NAV2: variants seen among roughly 807,000 people sequenced by gnomAD.
NAV2 encodes the protein neuron navigator 2.
In NAV2, 54 loss-of-function variants were observed where a neutral mutation model predicts 223.2. The ratio of observed to expected loss-of-function variants is 0.24; its 90% CI spans 0.19 to 0.30. The LOEUF is 0.30. NAV2 is among the 10% of genes least tolerant of loss of function. NAV2 has a pLI of 1.00. For synonymous variants in NAV2, 1,279 were observed against 1,239.3 expected, an observed-to-expected ratio of 1.03 and a Z score of -0.67; for missense variants, 2,806 against 3,147.5, an observed-to-expected ratio of 0.89 and a Z score of 2.60.
chr11:19,531,174 A>G (rs2044017614), intron 1 of NAV2, among the ~76,000 whole-genome samples: 1 of 152,252 alleles, frequency 6.6e-6, no homozygotes, highest in Admixed American at 6.5e-5. Context: ...AACATGACAG[A>G]TAAAATCTTT....
intron 4 of NAV2, among the ~76,000 whole-genome samples, chr11:19,872,892 A>C (rs2062611255): frequency 6.6e-6 from 1 of 152,022 alleles, no homozygotes; most frequent in African/African-American, 2.4e-5. Context: ...GAACCCATCT[A>C]TTTGCTCTTG....
At chr11:19,360,111 GC>G (rs1172130265) in intron 1 of NAV2, among the ~76,000 whole-genome samples, 1 of 152,118 alleles carries the variant, frequency 6.6e-6, no homozygotes, top group Non-Finnish European at 1.5e-5. Context: ...CTTCATTTAG[GC>G]TCCTTTGAGC....
intron 1 of NAV2, among the ~76,000 whole-genome samples, chr11:19,354,605 A>G (rs1853508594): frequency 6.6e-6 from 1 of 152,256 alleles, no homozygotes; most frequent in Admixed American, 6.5e-5. Context: ...TAATTGATGC[A>G]TAACTTAGAT....
intron 1 of NAV2, chr11:19,519,951 G>A (rs1461675357): frequency 6.6e-6 from 1 of 152,230 alleles, no homozygotes; most frequent in African/African-American, 2.4e-5. Context: ...TAGGGGTTGT[G>A]TTTATTTTGT....
chr11:19,898,117 C>T (rs1769694259), intron 6 of NAV2, among the ~76,000 whole-genome samples: 1 of 151,766 alleles, frequency 6.6e-6, no homozygotes, highest in Admixed American at 6.6e-5. Context: ...GTATTTGGTC[C>T]ATATTATGAA....
chr11:20,114,730 TC>T lies in NAV2; in HGVS notation c.7101del (p.Met2368CysfsTer21). On this transcript the variant is annotated frameshift_variant, in exon 37 of 38. Coordinates refer to ENST00000349880, the MANE Select transcript of NAV2 (RefSeq NM_145117.5). LOFTEE classifies it high-confidence loss of function. The stretch of plus-strand genomic sequence containing the variant: ...TGAGGATGTCGGCTTCGACGGCTAC[TC>T]CATGCCTCGGGAGGGATCGACAAGC... ...RPEDVGFDGY[S>X]MPREGSTSKQ... is the part of the protein sequence containing the mutation. 6.2e-7 allele frequency: 1 copy of T among 1,614,086 alleles called. No homozygotes were observed. The highest frequency in any genetic ancestry group is 8.5e-7 in the Non-Finnish European group (1 of 1,180,020).
intron 1 of NAV2, among the ~76,000 whole-genome samples, chr11:19,779,643 C>T (rs1273706099): frequency 1.3e-5 from 2 of 152,224 alleles, no homozygotes; most frequent in East Asian, 3.8e-4. Context: ...TTACAACTCT[C>T]TTTCCCCAGG....
intron 1 of NAV2, among the ~76,000 whole-genome samples, chr11:19,759,175 C>T (rs868633911): frequency 5.7e-5 from 8 of 139,584 alleles, no homozygotes; most frequent in East Asian, 2.3e-4. Flanking sequence ...CTCCGCCTCC[C>T]GGGTCCACGC....
chr11:19,373,904 T>C (rs1325892814), intron 1 of NAV2, among the ~76,000 whole-genome samples: 2 of 152,132 alleles, frequency 1.3e-5, no homozygotes, highest in Admixed American at 1.3e-4. Flanking sequence ...AAAGACATAA[T>C]ACACCCCATA....
chr11:19,620,335 A>G (rs369053358), intron 1 of NAV2, among the ~76,000 whole-genome samples: 3 of 152,170 alleles, frequency 2.0e-5, no homozygotes, highest in Non-Finnish European at 2.9e-5. Flanking sequence ...CATTGAATCT[A>G]TAAATTACCT....
rs534472661 is a variant in NAV2 at position 19,489,165 on chromosome 11, AG to A, written c.75+138145del. ...AGAGGTGATGAGACTGTCTCAGCTG[AG>A]GGGGGGTCTCTGATACTGTGAAGAT... On this transcript the variant is annotated intron_variant, in intron 1 of 37. Coordinates refer to the NAV2 transcript ENST00000360655. 7.9e-5 allele frequency among the ~76,000 whole-genome samples: 12 copies of A among 152,260 alleles called. No individual in the cohort carries two copies. In the South Asian group the frequency reaches 2.1e-3, roughly 26 times the overall value.
At chr11:19,469,391 A>G (rs1450829786) in intron 1 of NAV2, among the ~76,000 whole-genome samples, 1 of 152,200 alleles carries the variant, frequency 6.6e-6, no homozygotes, top group African/African-American at 2.4e-5. Flanking sequence ...TTTGGCCTCT[A>G]TGTTCCAGAG....
At chr11:19,499,288 G>A (rs930816314) in intron 1 of NAV2, among the ~76,000 whole-genome samples, 2 of 152,226 alleles carry the variant, frequency 1.3e-5, no homozygotes, top group Non-Finnish European at 2.9e-5. Context: ...AGGGGTTACA[G>A]TAATGATGAT....
chr11:19,603,087 T>A (rs1666864491), intron 1 of NAV2, among the ~76,000 whole-genome samples: 1 of 152,204 alleles, frequency 6.6e-6, no homozygotes, highest in Admixed American at 6.5e-5. Flanking sequence ...GGGCTGAGGT[T>A]ACGTAGGACC....
intron 4 of NAV2, among the ~76,000 whole-genome samples, chr11:19,869,705 T>C (rs1447499965): frequency 6.6e-6 from 1 of 152,198 alleles, no homozygotes; most frequent in Non-Finnish European, 1.5e-5. Context: ...CTCATTAGGC[T>C]GCACCTGCCT....
chr11:19,721,255 CT>C (rs1039306865), intron 1 of NAV2, among the ~76,000 whole-genome samples: 17 of 152,222 alleles, frequency 1.1e-4, no homozygotes, highest in African/African-American at 4.1e-4. Flanking sequence ...ACTCCTCCCC[CT>C]GCCCTAGAGT....
intron 11 of NAV2, chr11:20,027,269 A>T: frequency 1.0e-6 from 1 of 985,272 alleles, no homozygotes; most frequent in South Asian, 4.7e-5. Flanking sequence ...AGGCTTGCTC[A>T]CTCATCCACA....
chr11:19,975,297 G>T (rs535068814), intron 10 of NAV2, among the ~76,000 whole-genome samples: 1 of 152,270 alleles, frequency 6.6e-6, no homozygotes, highest in South Asian at 2.1e-4. Flanking sequence ...TCAAACAAGC[G>T]TAGCCATGGA....
intron 1 of NAV2, among the ~76,000 whole-genome samples, chr11:19,758,467 G>A (rs530080138): frequency 2.0e-5 from 3 of 152,306 alleles, no homozygotes; most frequent in Non-Finnish European, 4.4e-5. Flanking sequence ...GACCAGAGGA[G>A]CAGGAAGCAG....
Sources: allele counts gnomAD v4.1 joint callset (sites outside exome capture counted in the v4.1 genomes callset), GRCh38; gene constraint gnomAD v4.1.1; transcripts MANE v1.5; gene names NCBI Gene and HGNC (gene_info 2026-07-23, HGNC 2026-07-21).